PDE4D: variants seen among roughly 807,000 people sequenced by gnomAD.
PDE4D encodes phosphodiesterase 4D.
In PDE4D, 24 loss-of-function variants were observed where a neutral mutation model predicts 87.4. The observed-to-expected ratio is 0.27, with a 90% CI of 0.20 to 0.39. The LOEUF (loss-of-function observed/expected upper bound fraction) is 0.39, where lower values mean the gene tolerates loss of function less well. PDE4D is among the 10% of genes least tolerant of loss of function. PDE4D has a pLI of 1.00. For synonymous variants in PDE4D, 384 were observed against 383.2 expected (o/e 1.00, Z -0.02); for missense variants, 714 against 1,041.0 (o/e 0.69, Z 4.32).
chr5:59,433,655 G>A (rs1353750813), intron 1 of PDE4D, among the ~76,000 whole-genome samples: 2 of 152,028 alleles, frequency 1.3e-5, no homozygotes, highest in Non-Finnish European at 2.9e-5. Context: ...GAATGGCCAT[G>A]ATTACCCATC....
chr5:59,608,482 T>C (rs930831446), intron 1 of PDE4D, among the ~76,000 whole-genome samples: 1 of 152,162 alleles, frequency 6.6e-6, no homozygotes, highest in Non-Finnish European at 1.5e-5. Flanking sequence ...GTGCATGTAT[T>C]TCCTTGGATA....
At chr5:59,800,629 A>T (rs1767016074) in intron 1 of PDE4D, among the ~76,000 whole-genome samples, 1 of 146,824 alleles carries the variant, frequency 6.8e-6, no homozygotes, top group South Asian at 2.1e-4. Flanking sequence ...CTACCCCCCT[A>T]CTATCCCTCA....
intron 2 of PDE4D, among the ~76,000 whole-genome samples, chr5:60,025,980 T>C (rs1766581138): frequency 6.6e-6 from 1 of 152,180 alleles, no homozygotes; most frequent in South Asian, 2.1e-4. Flanking sequence ...AGTTAGCAGA[T>C]TTTTCCCTCA....
intron 5 of PDE4D, among the ~76,000 whole-genome samples, chr5:59,158,965 C>T (rs1266274081): frequency 6.6e-6 from 1 of 152,172 alleles, no homozygotes; most frequent in Non-Finnish European, 1.5e-5. Flanking sequence ...TCCTAAAGCT[C>T]TGGAGTAGTT....
intron 1 of PDE4D, among the ~76,000 whole-genome samples, chr5:59,662,306 T>C (rs1303821537): frequency 6.6e-6 from 1 of 152,242 alleles, no homozygotes; most frequent in Non-Finnish European, 1.5e-5. Context: ...GACTTCTCTT[T>C]GAAAATCTTA....
At chr5:59,892,515 C>G (rs1280796268) in intron 1 of PDE4D, among the ~76,000 whole-genome samples, 1 of 151,596 alleles carries the variant, frequency 6.6e-6, no homozygotes, top group East Asian at 1.9e-4. Flanking sequence ...ACCCCCTTGT[C>G]TCTCTCAAGG....
chr5:60,142,523 A>C (rs922481430), intron 2 of PDE4D, among the ~76,000 whole-genome samples: 1 of 152,214 alleles, frequency 6.6e-6, no homozygotes, highest in African/African-American at 2.4e-5. Context: ...AAGCAGATGA[A>C]ATCTGAGCCC....
chr5:60,404,693 T>C (rs1040312202), intron 1 of PDE4D, among the ~76,000 whole-genome samples: 4 of 152,180 alleles, frequency 2.6e-5, no homozygotes, highest in African/African-American at 9.7e-5. Context: ...TACAGAAGAA[T>C]TGACAACAGG....
intron 1 of PDE4D, among the ~76,000 whole-genome samples, chr5:59,846,369 G>A (rs1318615060): frequency 6.6e-6 from 1 of 152,070 alleles, no homozygotes; most frequent in Non-Finnish European, 1.5e-5. Flanking sequence ...GATCGGAGAA[G>A]AATTCAATAA....
chr5:60,225,790 A>C (rs1480490798), intron 1 of PDE4D, among the ~76,000 whole-genome samples: 1 of 152,100 alleles, frequency 6.6e-6, no homozygotes, highest in African/African-American at 2.4e-5. Context: ...ATAGAATAAA[A>C]ATCTTATGAG....
chr5:59,754,920 T>G (rs763130184), intron 1 of PDE4D, among the ~76,000 whole-genome samples: 7 of 141,992 alleles, frequency 4.9e-5, no homozygotes, highest in Admixed American at 2.2e-4. Context: ...CATCACCCAA[T>G]CCAAGTTCAG....
intron 1 of PDE4D, among the ~76,000 whole-genome samples, chr5:59,395,247 C>G: frequency 1.3e-5 from 2 of 152,294 alleles, no homozygotes; most frequent in East Asian, 1.9e-4. Context: ...AGGAGGCCTG[C>G]GTGCTTCTGT....
chr5:60,192,510 C>A (rs75688609), intron 1 of PDE4D, among the ~76,000 whole-genome samples: 1 of 151,908 alleles, frequency 6.6e-6, no homozygotes, highest in Admixed American at 6.6e-5. Flanking sequence ...AATCTGGAAA[C>A]AATTTAGATG....
intron 1 of PDE4D, among the ~76,000 whole-genome samples, chr5:59,474,784 T>C (rs141180693): frequency 0.016 from 2,411 of 152,178 alleles, 80 homozygotes; most frequent in African/African-American, 0.056. Flanking sequence ...ATCAAAATAA[T>C]AAAATATTAA....
chr5:59,003,427 C>A (rs2153355570), intron 6 of PDE4D, among the ~76,000 whole-genome samples: 1 of 152,324 alleles, frequency 6.6e-6, no homozygotes, highest in East Asian at 1.9e-4. Context: ...TTCTACTCTG[C>A]CAACCTCAAA....
In PDE4D at chr5:59,109,038, A is replaced by C. The variant is rs139938710; in HGVS notation, c.809-70067T>G. Reference sequence around the variant, plus strand: ...TGCCTATCCATACTGAAACAGATTTATAAAAGTTATTCCCTATGCGTGATA... The same window carrying C: ...TGCCTATCCATACTGAAACAGATTTCTAAAAGTTATTCCCTATGCGTGATA... On this transcript the variant is annotated intron_variant, in intron 5 of 14. Transcript: ENST00000340635. Among the ~76,000 whole-genome samples, 646 of 151,336 alleles carry C rather than the reference A, an allele frequency of 4.3e-3. 2 individuals are homozygous for C. Among genetic ancestry groups the C allele is most frequent in the Admixed American group, 8.5e-3 (129 of 15,190 alleles).
chr5:59,205,553 G>T (rs939998812), intron 2 of PDE4D, among the ~76,000 whole-genome samples: 17 of 151,796 alleles, frequency 1.1e-4, no homozygotes, highest in African/African-American at 3.6e-4. Flanking sequence ...TTAGACTCTA[G>T]AACAGCACTG....
intron 1 of PDE4D, among the ~76,000 whole-genome samples, chr5:59,556,734 T>C (rs560659439): frequency 6.6e-6 from 1 of 152,288 alleles, no homozygotes; most frequent in African/African-American, 2.4e-5. Flanking sequence ...AAATATTCAC[T>C]TTCTCTTCAC....
At chr5:59,979,421 G>GGTGTGTGTGTGTGTTTGTGTGT (rs1761681695) in intron 3 of PDE4D, among the ~76,000 whole-genome samples, 1 of 147,630 alleles carries the variant, frequency 6.8e-6, no homozygotes, top group Admixed American at 6.8e-5. Flanking sequence ...CACAGCAAGG[G>GGTGTGTGTGTGTGTTTGTGTGT]GTGTGTGTGT....
Sources: gnomAD v4.1 joint callset for allele counts (sites outside exome capture counted in the v4.1 genomes callset) on GRCh38, gnomAD v4.1.1 for gene constraint, MANE v1.5 for transcripts, NCBI Gene and HGNC (gene_info 2026-07-23, HGNC 2026-07-21) for gene names.